ZNF609: variants seen among roughly 807,000 people sequenced by gnomAD.
ZNF609 encodes the protein zinc finger protein 609.
ZNF609 carries 11 observed loss-of-function variants against 109.5 expected under a neutral mutation model. That is an observed-to-expected ratio of 0.10 (90% CI 0.06 to 0.17). ZNF609 has a LOEUF of 0.17. ZNF609 is among the 10% of genes least tolerant of loss of function. The pLI, the probability that ZNF609 is intolerant of heterozygous loss-of-function variation, is 1.00. For synonymous variants in ZNF609, 646 were observed against 662.0 expected, an observed-to-expected ratio of 0.98 and a Z score of 0.37; for missense variants, 1,559 against 1,772.4, an observed-to-expected ratio of 0.88 and a Z score of 2.16.
intron 2 of ZNF609, among the ~76,000 whole-genome samples, chr15:64,528,373 T>TA (rs1360174805): frequency 6.6e-6 from 1 of 150,608 alleles, no homozygotes; most frequent in Non-Finnish European, 1.5e-5. Flanking sequence ...GTGGGGGTTT[T>TA]AAAAAAATTT....
intron 1 of ZNF609, among the ~76,000 whole-genome samples, chr15:64,463,164 G>C (rs987823562): frequency 6.6e-5 from 10 of 152,220 alleles, no homozygotes; most frequent in African/African-American, 2.2e-4. Context: ...GGAGGCTGAG[G>C]TGGGAAGATC....
chr15:64,561,584 G>A (rs1463171607), intron 2 of ZNF609, among the ~76,000 whole-genome samples: 4 of 137,496 alleles, frequency 2.9e-5, no homozygotes, highest in African/African-American at 1.1e-4. Flanking sequence ...TGATTTAGAT[G>A]GGGTCTGCCT....
At chr15:64,564,912 A>G (rs923482097) in intron 2 of ZNF609, among the ~76,000 whole-genome samples, 14 of 149,934 alleles carry the variant, frequency 9.3e-5, no homozygotes, top group Non-Finnish European at 1.8e-4. Context: ...CAGTGGTGCG[A>G]TCTCCGCTCA....
chr15:64,642,204 AAC>A (rs1237012689), intron 3 of ZNF609, among the ~76,000 whole-genome samples: 6 of 152,032 alleles, frequency 3.9e-5, no homozygotes, highest in African/African-American at 1.4e-4. Flanking sequence ...ATTTTTTTGA[AAC>A]AGAGTCTCGT....
intron 3 of ZNF609, among the ~76,000 whole-genome samples, chr15:64,650,194 A>G (rs1163287704): frequency 6.6e-6 from 1 of 151,578 alleles, no homozygotes; most frequent in Non-Finnish European, 1.5e-5. Context: ...TCCTGAGCTC[A>G]GTAGTTCGGG....
chr15:64,490,256 C>A (rs1893393147), intron 1 of ZNF609, among the ~76,000 whole-genome samples: 1 of 147,798 alleles, frequency 6.8e-6, no homozygotes, highest in African/African-American at 2.5e-5. Context: ...TAAGCCACTG[C>A]ACCCGGCCAG....
intron 3 of ZNF609, among the ~76,000 whole-genome samples, chr15:64,650,806 G>A (rs1896405624): frequency 6.6e-6 from 1 of 150,860 alleles, no homozygotes; most frequent in East Asian, 1.9e-4. Flanking sequence ...ACCTTGCAGA[G>A]TGTACATCTT....
intron 2 of ZNF609, among the ~76,000 whole-genome samples, chr15:64,607,693 C>CG (rs986788995): frequency 1.3e-4 from 19 of 151,228 alleles, no homozygotes; most frequent in African/African-American, 4.1e-4. Context: ...TTAGTACTGA[C>CG]GGGGTCTCAC....
At chr15:64,673,305 C>T (rs753287822) in intron 4 of ZNF609, among the ~76,000 whole-genome samples, 1 of 152,176 alleles carries the variant, frequency 6.6e-6, no homozygotes, top group Non-Finnish European at 1.5e-5. Flanking sequence ...GGGAACCAAT[C>T]TTAGCTAAAG....
chr15:64,466,712 A>G (rs1013465099), intron 1 of ZNF609, among the ~76,000 whole-genome samples: 1 of 152,206 alleles, frequency 6.6e-6, no homozygotes, highest in African/African-American at 2.4e-5. Flanking sequence ...ATACGAAGCT[A>G]TGGCAGTTTT....
intron 2 of ZNF609, among the ~76,000 whole-genome samples, chr15:64,522,961 A>G (rs1035963647): frequency 8.4e-6 from 1 of 118,792 alleles, no homozygotes; most frequent in African/African-American, 2.9e-5. Flanking sequence ...AACTTTTAAT[A>G]CATTGTGGTT....
intron 1 of ZNF609, among the ~76,000 whole-genome samples, chr15:64,475,403 T>TC (rs1893155611): frequency 1.4e-5 from 2 of 147,418 alleles, no homozygotes; most frequent in Non-Finnish European, 1.5e-5. Flanking sequence ...TTTTTTTTTT[T>TC]TTTTTTTTGA....
chr15:64,661,137 T>C (rs1483721885), intron 3 of ZNF609, among the ~76,000 whole-genome samples: 2 of 152,064 alleles, frequency 1.3e-5, no homozygotes, highest in African/African-American at 2.4e-5. Flanking sequence ...AATTTTGGTA[T>C]TTTTTGTAGA....
chr15:64,543,313 C>T (rs1260689421), intron 2 of ZNF609, among the ~76,000 whole-genome samples: 1 of 142,422 alleles, frequency 7.0e-6, no homozygotes, highest in African/African-American at 2.6e-5. Context: ...TTCAGCCATA[C>T]CAAAGTATGG....
intron 3 of ZNF609, among the ~76,000 whole-genome samples, chr15:64,669,754 AC>A (rs1896699516): frequency 6.6e-6 from 1 of 151,746 alleles, no homozygotes; most frequent in African/African-American, 2.4e-5. Flanking sequence ...TGCAAACTCC[AC>A]CTCCTGGGTT....
At position 64,676,240 on chromosome 15, in the gene ZNF609, T is replaced by C; in HGVS notation, c.3386T>C (p.Ile1129Thr). ...ECGRQAEMDP[I>T]LWYRQEAEPR... ...GGTCGACAGGCAGAGATGGATCCAA[T>C]ACTCTGGTACCGACAGGTAACTGTT... The change falls in exon 5 of 10, where the codon ATA becomes ACA. Residue 1129 changes from isoleucine to threonine, a missense_variant. By Grantham distance (89) the Ile-to-Thr change is moderately conservative. Coordinates refer to ENST00000326648, the MANE Select transcript of ZNF609 (RefSeq NM_015042.2). 6.2e-7 allele frequency: 1 copy of C among 1,608,332 alleles called. No individual in the cohort carries two copies. The highest frequency in any genetic ancestry group is 2.2e-5 in the East Asian group (1 of 44,804).
chr15:64,669,977 T>A lies in ZNF609; in HGVS notation c.974-369T>A, dbSNP rs890506042. ...GCCACCACTCCCGGCCAAAAAAAAA[T>A]TTTTTTAATTATCCAGGTGTGGTGA... On this transcript the variant is annotated intron_variant, in intron 3 of 9. Transcript: ENST00000326648. Among the ~76,000 whole-genome samples the A allele has an allele frequency of 1.2e-4, 18 of 152,104 alleles. No homozygotes were observed. In the South Asian group the frequency reaches 1.5e-3, roughly 12 times the overall value.
chr15:64,464,692 T>TA (rs869307534), intron 1 of ZNF609, among the ~76,000 whole-genome samples: 1 of 144,922 alleles, frequency 6.9e-6, no homozygotes, highest in African/African-American at 2.5e-5. Flanking sequence ...ACAGACAAAA[T>TA]GAAGATAGGT....
At chr15:64,568,737 A>G (rs1427852968) in intron 2 of ZNF609, among the ~76,000 whole-genome samples, 2 of 152,184 alleles carry the variant, frequency 1.3e-5, no homozygotes, top group Non-Finnish European at 2.9e-5. Flanking sequence ...CTGAACATTT[A>G]CTGAACATCT....
Sources: allele counts gnomAD v4.1 joint callset (sites outside exome capture counted in the v4.1 genomes callset), GRCh38; gene constraint gnomAD v4.1.1; transcripts MANE v1.5; gene names NCBI Gene and HGNC (gene_info 2026-07-23, HGNC 2026-07-21).